Variants in CNTN4 observed in about 807,000 individuals in gnomAD.
The protein encoded by CNTN4 is contactin-4.
In CNTN4, 77 loss-of-function variants were observed where a neutral mutation model predicts 122.5. The observed-to-expected ratio is 0.63, with a 90% CI of 0.52 to 0.76. CNTN4 has a LOEUF of 0.76. CNTN4 is among the 30% of genes least tolerant of loss of function. The pLI is 0.00. For missense variants in CNTN4, 1,256 were observed against 1,259.1 expected (o/e 1.00, Z 0.04); for synonymous variants, 512 against 447.0 (o/e 1.15, Z -1.83).
chr3:2,427,443 G>C lies in CNTN4; in HGVS notation c.-89+88210G>C, dbSNP rs562697283. 2.6e-5 allele frequency among the ~76,000 whole-genome samples: 4 copies of C among 152,156 alleles called. No homozygotes were observed. The South Asian group carries it at 8.3e-4, about 32-fold the overall frequency. On this transcript the variant is annotated intron_variant, in intron 3 of 24. Coordinates refer to ENST00000418658, the MANE Select transcript of CNTN4 (RefSeq NM_175607.3). ...TGCACTGTGGTCTGAGAGACAGTTT[G>C]TTATACTTCCTGTTCTTTTACATTT...
chr3:2,227,462 C>T (rs888558384), intron 2 of CNTN4, among the ~76,000 whole-genome samples: 3 of 152,132 alleles, frequency 2.0e-5, no homozygotes, highest in African/African-American at 7.2e-5. Flanking sequence ...CATAATCCAG[C>T]ATTAAAAGCA....
chr3:2,989,462 A>C (rs1694863040), intron 14 of CNTN4, among the ~76,000 whole-genome samples: 2 of 129,098 alleles, frequency 1.5e-5, no homozygotes, highest in African/African-American at 3.4e-5. Flanking sequence ...GATGAAGGCA[A>C]ATAAAAATAT....
chr3:2,753,958 T>C (rs1172471207), intron 6 of CNTN4, among the ~76,000 whole-genome samples: 5 of 152,184 alleles, frequency 3.3e-5, no homozygotes, highest in African/African-American at 1.2e-4. Flanking sequence ...ATATTTCTGC[T>C]CTAAAAGTTA....
intron 14 of CNTN4, among the ~76,000 whole-genome samples, chr3:3,016,187 G>A (rs555194029): frequency 7.2e-5 from 11 of 152,048 alleles, no homozygotes; most frequent in African/African-American, 7.2e-5. Flanking sequence ...ACCTTGACTC[G>A]AAGATACAAT....
intron 3 of CNTN4, among the ~76,000 whole-genome samples, chr3:2,356,378 A>G (rs182752143): frequency 1.0e-3 from 159 of 152,318 alleles, no homozygotes; most frequent in African/African-American, 3.6e-3. Context: ...GGGATGGGCA[A>G]TTCCTGGAAC....
At position 2,977,520 on chromosome 3, in the gene CNTN4, C is replaced by T. The variant is rs761258724; in HGVS notation, c.1359-10825C>T. On this transcript the variant is annotated intron_variant, in intron 13 of 24. Coordinates refer to ENST00000418658, the MANE Select transcript of CNTN4 (RefSeq NM_175607.3). ...CCTCATTTGATTGTTATTATATCAC[C>T]GAGAGAGCAATAATTGCAAGTCTCT... 4.6e-5 allele frequency among the ~76,000 whole-genome samples: 7 copies of T among 152,096 alleles called. No individual in the cohort carries two copies. In the East Asian group the frequency reaches 9.7e-4, roughly 21 times the overall value.
At chr3:2,811,692 T>G (rs1240844965) in intron 6 of CNTN4, among the ~76,000 whole-genome samples, 1 of 151,760 alleles carries the variant, frequency 6.6e-6, no homozygotes, top group Non-Finnish European at 1.5e-5. Context: ...TTAGACGGAG[T>G]CTTGCTCTGT....
At chr3:2,466,635 G>A (rs768739888) in intron 3 of CNTN4, among the ~76,000 whole-genome samples, 4 of 152,116 alleles carry the variant, frequency 2.6e-5, no homozygotes, top group African/African-American at 4.8e-5. Flanking sequence ...GGCATTGGCT[G>A]TCATAGCTGT....
chr3:2,955,734 A>T (rs1394488216), intron 13 of CNTN4, among the ~76,000 whole-genome samples: 1 of 152,200 alleles, frequency 6.6e-6, no homozygotes, highest in Admixed American at 6.5e-5. Context: ...TAGGTTTTTA[A>T]GTGGCTATTA....
intron 7 of CNTN4, among the ~76,000 whole-genome samples, chr3:2,864,936 G>A (rs1276693723): frequency 6.6e-6 from 1 of 151,916 alleles, no homozygotes; most frequent in Non-Finnish European, 1.5e-5. Context: ...AAGCTTAGGT[G>A]CTGATAGATT....
intron 2 of CNTN4, among the ~76,000 whole-genome samples, chr3:2,236,469 A>G (rs2039686171): frequency 6.6e-6 from 1 of 152,200 alleles, no homozygotes; most frequent in South Asian, 2.1e-4. Flanking sequence ...TATTCTATAC[A>G]TATTTATTCA....
chr3:2,884,038 G>A (rs989845217), intron 9 of CNTN4, among the ~76,000 whole-genome samples: 3 of 152,122 alleles, frequency 2.0e-5, no homozygotes, highest in South Asian at 2.1e-4. Flanking sequence ...TCTATCTGAC[G>A]AATCCATTAC....
rs2093990676 is a variant in CNTN4, at chr3:2,887,370, C to G, written c.940+146C>G. 3 of 717,240 alleles carry G rather than the reference C, an allele frequency of 4.2e-6. No homozygotes were observed. The Admixed American group carries it at 6.6e-5, about 16-fold the overall frequency. 44.4% of individuals were successfully genotyped at this position (717,240 alleles called of 1,614,324 possible). A position where few individuals can be genotyped will look rare whatever the true frequency, so the allele number is the denominator to read the frequency against. Reference sequence around the variant, plus strand: ...CTCATGGTTTGCTCCATAATCAGCCCTGGTTGATTCTGGGTGTGGAGAGTG... The same window carrying G: ...CTCATGGTTTGCTCCATAATCAGCCGTGGTTGATTCTGGGTGTGGAGAGTG... On this transcript the variant is annotated intron_variant, in intron 10 of 24. Transcript: ENST00000418658.
At chr3:2,376,561 A>G (rs958293278) in intron 3 of CNTN4, among the ~76,000 whole-genome samples, 17 of 152,036 alleles carry the variant, frequency 1.1e-4, no homozygotes, top group African/African-American at 4.1e-4. Context: ...TTTTTGATGC[A>G]TTAAGCACAG....
chr3:2,690,298 T>C (rs183247704), intron 4 of CNTN4, among the ~76,000 whole-genome samples: 13 of 152,258 alleles, frequency 8.5e-5, no homozygotes, highest in Admixed American at 8.5e-4. Context: ...CCACGAATAT[T>C]CTCATCAAGA....
At chr3:2,102,287 C>T (rs1340379176) in intron 2 of CNTN4, among the ~76,000 whole-genome samples, 3 of 152,148 alleles carry the variant, frequency 2.0e-5, no homozygotes, top group Non-Finnish European at 4.4e-5. Context: ...AGTCTGGCAC[C>T]ATCATTTATT....
intron 2 of CNTN4, among the ~76,000 whole-genome samples, chr3:2,232,785 G>A (rs1441499646): frequency 2.0e-5 from 3 of 152,176 alleles, no homozygotes; most frequent in African/African-American, 7.2e-5. Flanking sequence ...TTATAATTGA[G>A]ATCAAGTTTT....
At chr3:2,573,094 C>A (rs1435218218) in intron 4 of CNTN4, among the ~76,000 whole-genome samples, 2 of 152,128 alleles carry the variant, frequency 1.3e-5, no homozygotes, top group African/African-American at 4.8e-5. Flanking sequence ...AGTGGTCGAG[C>A]TAAGATGTAA....
At chr3:2,917,738 C>T (rs1303569267) in intron 12 of CNTN4, among the ~76,000 whole-genome samples, 1 of 152,180 alleles carries the variant, frequency 6.6e-6, no homozygotes, top group Non-Finnish European at 1.5e-5. Context: ...ATTCTTAAGC[C>T]ATCACAGCAG....
Sources: gnomAD v4.1 joint callset for allele counts (sites outside exome capture counted in the v4.1 genomes callset) on GRCh38, gnomAD v4.1.1 for gene constraint, MANE v1.5 for transcripts, NCBI Gene and HGNC (gene_info 2026-07-23, HGNC 2026-07-21) for gene names.